FMN2: variants seen among roughly 807,000 people sequenced by gnomAD.
FMN2 encodes formin 2.
Under a neutral mutation model 142.3 loss-of-function variants are expected in FMN2, and 51 were observed. The observed-to-expected ratio is 0.36, with a 90% CI of 0.29 to 0.45. FMN2 has a LOEUF of 0.45. Ranked by LOEUF, FMN2 falls within the 20% of genes least tolerant of loss-of-function variation. The pLI is 1.00. For synonymous variants in FMN2, 882 were observed against 869.8 expected, an observed-to-expected ratio of 1.01 and a Z score of -0.25; for missense variants, 1,936 against 2,122.8, an observed-to-expected ratio of 0.91 and a Z score of 1.73.
intron 8 of FMN2, 78 bp downstream of exon 8, chr1:240,294,961 T>C: frequency 7.8e-6 from 10 of 1,278,132 alleles, no homozygotes; most frequent in Non-Finnish European, 1.1e-5. Flanking sequence ...ATAGGCTCTT[T>C]GTTTTAAGGT....
At chr1:240,166,831 A>T (rs1572010530) in intron 2 of FMN2, among the ~76,000 whole-genome samples, 2 of 152,234 alleles carry the variant, frequency 1.3e-5, no homozygotes, top group East Asian at 3.9e-4. Context: ...GGTTCAAAAC[A>T]GATGGGTTGA....
intron 15 of FMN2, among the ~76,000 whole-genome samples, chr1:240,394,805 T>A (rs1558469347): frequency 6.6e-6 from 1 of 151,860 alleles, no homozygotes; most frequent in Non-Finnish European, 1.5e-5. Flanking sequence ...CCGTCTCTAC[T>A]AAAAATACAA....
chr1:240,206,189 C>T (rs903729646), intron 4 of FMN2, among the ~76,000 whole-genome samples: 11 of 152,184 alleles, frequency 7.2e-5, no homozygotes, highest in African/African-American at 2.4e-4. Context: ...CAGGTGTGAA[C>T]CACCATGTCT....
chr1:240,291,679 A>G (rs1323697036), intron 7 of FMN2, among the ~76,000 whole-genome samples: 4 of 152,182 alleles, frequency 2.6e-5, no homozygotes, highest in African/African-American at 9.7e-5. Context: ...GTTTCACTCT[A>G]ATGGTTTATC....
At chr1:240,169,660 A>G (rs1210111990) in intron 2 of FMN2, among the ~76,000 whole-genome samples, 2 of 151,868 alleles carry the variant, frequency 1.3e-5, no homozygotes, top group Non-Finnish European at 2.9e-5. Flanking sequence ...TTTTTTCTGT[A>G]GAGATAGTCT....
rs1221510945 is a variant in FMN2, at chr1:240,159,970, T to TACACACACACAC, written c.1783-17950_1783-17949insCACACACACACA. Reference sequence around the variant, plus strand: ...ATATATCTATATCTGTGTATATATATATATACACACACACACACACACACA... The same window carrying TACACACACACAC: ...ATATATCTATATCTGTGTATATATATACACACACACACATATACACACACACACACACACACA... On this transcript the variant is annotated intron_variant, in intron 2 of 17. Transcript: ENST00000319653. Among the ~76,000 whole-genome samples the TACACACACACAC allele has an allele frequency of 9.4e-4, 107 of 113,918 alleles. 1 individual carries two copies. The highest frequency in any genetic ancestry group is 3.4e-3 in the African/African-American group (97 of 28,794). The allele number at this position is 113,918 out of a possible 152,430, so 74.7% of individuals were successfully genotyped here.
At chr1:240,149,176 C>A (rs1663658388) in intron 2 of FMN2, among the ~76,000 whole-genome samples, 1 of 152,026 alleles carries the variant, frequency 6.6e-6, no homozygotes, top group South Asian at 2.1e-4. Context: ...TTGTACTTAT[C>A]AAAGTTTCAA....
chr1:240,207,192 A>G lies in FMN2; in HGVS notation c.2380A>G (p.Ile794Val), dbSNP rs2103386452. 5 of 1,613,984 alleles carry G rather than the reference A, an allele frequency of 3.1e-6. No individual in the cohort carries two copies. Among genetic ancestry groups the G allele is most frequent in the Non-Finnish European group, 3.4e-6 (4 of 1,179,946 alleles). Residue 794 changes from isoleucine (I) to valine (V), a missense_variant, in exon 5 of 18, where the codon ATA (isoleucine) becomes GTA (valine). Physicochemically the swap from Ile to Val is conservative, Grantham distance 29. Around this residue, in one of 8 missense-constraint regions of FMN2, gnomAD observed 478 missense variants for 462.8 expected, o/e 1.03. Transcript: ENST00000319653. ...TTCTTTGATTGTGTCTCCAAGGCGA[A>G]TATCAGTCCAGCTCGACAGCCATCA... ...EISLIVSPRR[I>V]SVQLDSHQPT...
chr1:240,104,895 A>G (rs59686183), intron 1 of FMN2, among the ~76,000 whole-genome samples: 5,726 of 152,178 alleles, frequency 0.038, 374 homozygotes, highest in African/African-American at 0.13. Flanking sequence ...TTATTTAAAC[A>G]TGAGCATGGT....
intron 8 of FMN2, among the ~76,000 whole-genome samples, chr1:240,327,853 A>G (rs1671221579): frequency 6.6e-6 from 1 of 152,158 alleles, no homozygotes; most frequent in Non-Finnish European, 1.5e-5. Context: ...TTTGTATCAA[A>G]AAGAAAATCC....
At chr1:240,450,552 C>T (rs1675975744) in intron 16 of FMN2, among the ~76,000 whole-genome samples, 1 of 152,224 alleles carries the variant, frequency 6.6e-6, no homozygotes, top group Non-Finnish European at 1.5e-5. Flanking sequence ...CATCCTCTCC[C>T]ACCCGGCCCC....
intron 14 of FMN2, among the ~76,000 whole-genome samples, chr1:240,359,606 C>T (rs1286754863): frequency 6.6e-6 from 1 of 152,212 alleles, no homozygotes; most frequent in Non-Finnish European, 1.5e-5. Flanking sequence ...CCTAGTTCTA[C>T]TGAAGCCAAG....
At chr1:240,407,933 G>T (rs1348220343) in intron 15 of FMN2, among the ~76,000 whole-genome samples, 1 of 152,130 alleles carries the variant, frequency 6.6e-6, no homozygotes, top group African/African-American at 2.4e-5. Flanking sequence ...CAGAGAAAGG[G>T]TATTACTGGC....
At chr1:240,345,573 C>A (rs1016349353) in intron 13 of FMN2, among the ~76,000 whole-genome samples, 1 of 152,114 alleles carries the variant, frequency 6.6e-6, no homozygotes, top group African/African-American at 2.4e-5. Context: ...TGGGTTGAAG[C>A]AATTCTCTTG....
At chr1:240,100,542 C>G (rs1006051126) in intron 1 of FMN2, among the ~76,000 whole-genome samples, 3 of 152,126 alleles carry the variant, frequency 2.0e-5, no homozygotes, top group African/African-American at 7.2e-5. Context: ...GTCATAACAT[C>G]AAAATTCTAA....
intron 14 of FMN2, among the ~76,000 whole-genome samples, chr1:240,372,949 G>A (rs1466982179): frequency 6.6e-6 from 1 of 152,188 alleles, no homozygotes; most frequent in African/African-American, 2.4e-5. Flanking sequence ...CACTCTGGGA[G>A]GCTGAGGCGG....
At chr1:240,431,914 CT>C (rs1321778944) in intron 15 of FMN2, among the ~76,000 whole-genome samples, 2 of 150,064 alleles carry the variant, frequency 1.3e-5, no homozygotes, top group Non-Finnish European at 3.0e-5. Flanking sequence ...GGATATTTGT[CT>C]ATACATTTAT....
intron 2 of FMN2, among the ~76,000 whole-genome samples, chr1:240,124,457 A>G (rs1437476889): frequency 6.6e-6 from 1 of 152,164 alleles, no homozygotes. Context: ...CATATTCACA[A>G]TTCATAATGA....
chr1:240,465,138 C>A (rs1356629901), intron 16 of FMN2, among the ~76,000 whole-genome samples: 1 of 152,122 alleles, frequency 6.6e-6, no homozygotes, highest in Non-Finnish European at 1.5e-5. Context: ...TTCACCAAAT[C>A]ACCTTTAATT....
Sources: allele counts gnomAD v4.1 joint callset (sites outside exome capture counted in the v4.1 genomes callset), GRCh38; gene constraint gnomAD v4.1.1; regional missense constraint gnomAD v4.1.1; transcripts MANE v1.5; gene names NCBI Gene and HGNC (gene_info 2026-07-23, HGNC 2026-07-21).